Variants in POLA1 observed in about 807,000 individuals in gnomAD.
The protein encoded by POLA1 is DNA polymerase alpha 1, catalytic subunit, also known as DNA polymerase alpha catalytic subunit.
Under a neutral mutation model 124.0 loss-of-function variants are expected in POLA1, and 15 were observed. The observed-to-expected ratio is 0.12, with a 90% CI of 0.08 to 0.19. The LOEUF is 0.19. Among genes scored for constraint, POLA1 ranks in the 10% least tolerant of loss-of-function variants. The probability of loss-of-function intolerance (pLI) is 1.00; values close to 1 mark genes in which losing one functional copy is unlikely to be tolerated. For missense variants in POLA1, 886 were observed against 1,103.4 expected (o/e 0.80, Z 2.79); for synonymous variants, 408 against 389.4 (o/e 1.05, Z -0.56).
At chrX:24,934,968 G>A (rs1268353404) in intron 36 of POLA1, among the ~76,000 whole-genome samples, 2 of 111,257 alleles carry the variant, frequency 1.8e-5, no homozygotes, top group Non-Finnish European at 3.8e-5. Context: ...TGATCCAGTC[G>A]CCTCGGCCTC....
chrX:24,873,682 A>T (rs1202664156), intron 34 of POLA1, among the ~76,000 whole-genome samples: 1 of 111,937 alleles, frequency 8.9e-6, no homozygotes, highest in African/African-American at 3.2e-5. Flanking sequence ...AATACATTTT[A>T]ATTAACCTGT....
At chrX:24,708,566 G>C (rs1290722413) in intron 4 of POLA1, among the ~76,000 whole-genome samples, 1 of 59,653 alleles carries the variant, frequency 1.7e-5, no homozygotes, top group Non-Finnish European at 3.1e-5. Flanking sequence ...GATTACTTGA[G>C]ATTAGGGATT....
Position 24,699,412 on chromosome X carries a change from T to C in POLA1, c.44-13T>C. ...TTTGTAACATCTGTTGTAAATTTTT[T>C]TTCTTTTTTCAGCTCTGTCAGATTC... is the stretch of plus-strand genomic sequence containing the variant. On this transcript the variant is annotated splice_polypyrimidine_tract_variant and intron_variant, in intron 1 of 36. Transcript: ENST00000379068. The C allele has an allele frequency of 8.8e-7, 1 of 1,138,979 alleles. No individual in the cohort carries two copies. Among genetic ancestry groups the C allele is most frequent in the African/African-American group, 1.8e-5 (1 of 55,243 alleles). The allele number at this position is 1,138,979 out of a possible 1,213,427, so 93.9% of individuals were successfully genotyped here.
chrX:24,951,790 T>C (rs2048048859), intron 36 of POLA1, among the ~76,000 whole-genome samples: 1 of 111,959 alleles, frequency 8.9e-6, no homozygotes, highest in Non-Finnish European at 1.9e-5. Context: ...TAAACTCCTG[T>C]ATTACATTTT....
intron 36 of POLA1, among the ~76,000 whole-genome samples, chrX:24,985,613 T>C (rs2048472339): frequency 8.9e-6 from 1 of 112,205 alleles, no homozygotes; most frequent in Non-Finnish European, 1.9e-5. Context: ...TTGTACAGGT[T>C]GAATATCCTA....
At chrX:24,824,021 A>G (rs2046132827) in intron 31 of POLA1, among the ~76,000 whole-genome samples, 1 of 112,086 alleles carries the variant, frequency 8.9e-6, no homozygotes, top group Non-Finnish European at 1.9e-5. Context: ...CATGCCTTTA[A>G]CATAATTATT....
At chrX:24,745,046 G>A (rs947555165) in intron 23 of POLA1, among the ~76,000 whole-genome samples, 24 of 107,367 alleles carry the variant, frequency 2.2e-4, no homozygotes, top group African/African-American at 7.5e-4. Context: ...AAGAATTCTT[G>A]CTTTGAAGGA....
chrX:24,787,340 G>T (rs2045386302), intron 26 of POLA1, among the ~76,000 whole-genome samples: 1 of 111,348 alleles, frequency 9.0e-6, no homozygotes, highest in Admixed American at 9.5e-5. Context: ...GGAGTTTATG[G>T]TTTCCAGTCT....
intron 3 of POLA1, 66 bp downstream of exon 3, chrX:24,703,413 G>C (rs1397008839): frequency 5.3e-6 from 4 of 750,654 alleles, no homozygotes; most frequent in Non-Finnish European, 4.0e-6. Context: ...GCTTCTTGTA[G>C]ATTCTCACTC....
At chrX:24,981,588 T>C (rs2048420628) in intron 36 of POLA1, among the ~76,000 whole-genome samples, 1 of 112,711 alleles carries the variant, frequency 8.9e-6, no homozygotes, top group African/African-American at 3.2e-5. Flanking sequence ...TTAATTTGAA[T>C]TTTCATTTGT....
chrX:24,760,491 A>G (rs1932776473), intron 26 of POLA1, among the ~76,000 whole-genome samples: 1 of 112,101 alleles, frequency 8.9e-6, no homozygotes, highest in African/African-American at 3.2e-5. Context: ...GCTAATTGGA[A>G]AAACCTACTT....
chrX:24,711,166 T>C (rs1244155790), intron 4 of POLA1, among the ~76,000 whole-genome samples: 1 of 111,349 alleles, frequency 9.0e-6, no homozygotes, highest in African/African-American at 3.3e-5. Context: ...GTGTTTTTAG[T>C]AGAGACAGAG....
At chrX:24,789,738 T>A (rs773154086) in intron 26 of POLA1, among the ~76,000 whole-genome samples, 1 of 112,375 alleles carries the variant, frequency 8.9e-6, no homozygotes, top group Non-Finnish European at 1.9e-5. Flanking sequence ...TCCCTAGCTA[T>A]GACAAAGAAC....
chrX:24,702,835 G>T, intron 2 of POLA1, among the ~76,000 whole-genome samples: 1 of 112,514 alleles, frequency 8.9e-6, no homozygotes. Context: ...TATTTGCAGA[G>T]CGTACATCAG....
At chrX:24,696,224 C>T (rs759953539) in intron 1 of POLA1, among the ~76,000 whole-genome samples, 8 of 112,326 alleles carry the variant, frequency 7.1e-5, no homozygotes, top group Non-Finnish European at 1.5e-4. Context: ...CTGCAGGAAC[C>T]AACTCTACCA....
intron 34 of POLA1, among the ~76,000 whole-genome samples, chrX:24,851,937 A>C (rs931884124): frequency 8.9e-6 from 1 of 112,674 alleles, no homozygotes; most frequent in Non-Finnish European, 1.9e-5. Context: ...ACAAAACGGG[A>C]CTATCAGTTC....
intron 26 of POLA1, among the ~76,000 whole-genome samples, chrX:24,802,222 A>G (rs1050803938): frequency 6.3e-5 from 7 of 111,147 alleles, no homozygotes; most frequent in Admixed American, 1.9e-4. Flanking sequence ...ATACCTTTAC[A>G]GTGACATCTA....
chrX:24,971,375 C>T (rs1352400989), intron 36 of POLA1, among the ~76,000 whole-genome samples: 1 of 112,586 alleles, frequency 8.9e-6, no homozygotes, highest in Non-Finnish European at 1.9e-5. Flanking sequence ...CCATATCTTA[C>T]CTGCTGCTCA....
chrX:24,902,630 C>A (rs1365676665), intron 35 of POLA1, among the ~76,000 whole-genome samples: 1 of 111,749 alleles, frequency 8.9e-6, no homozygotes, highest in Non-Finnish European at 1.9e-5. Context: ...TTGTTTGTAT[C>A]CTTATGCCTT....
Sources: allele counts gnomAD v4.1 joint callset (sites outside exome capture counted in the v4.1 genomes callset), GRCh38; gene constraint gnomAD v4.1.1; transcripts MANE v1.5; gene names NCBI Gene and HGNC (gene_info 2026-07-23, HGNC 2026-07-21).